Variants in GLT8D2 observed in about 807,000 individuals in gnomAD.
GLT8D2 encodes the protein glycosyltransferase 8 domain-containing protein 2.
In GLT8D2, 45 loss-of-function variants were observed where a neutral mutation model predicts 44.5. The ratio of observed to expected loss-of-function variants is 1.01; its 90% CI spans 0.80 to 1.30. GLT8D2 has a LOEUF of 1.30. GLT8D2 is among the 50% of genes most tolerant of loss of function. The pLI, the probability that GLT8D2 is intolerant of heterozygous loss-of-function variation, is 0.00. For missense variants in GLT8D2, 400 were observed against 430.4 expected (o/e 0.93, Z 0.62); for synonymous variants, 156 against 157.2 (o/e 0.99, Z 0.06).
rs1156897596 is a variant in GLT8D2 at position 104,022,052 on chromosome 12, AG to A, written c.-163-562del. 1.7e-4 allele frequency among the ~76,000 whole-genome samples: 22 copies of A among 130,602 alleles called. 2 individuals carry two copies. The East Asian group carries it at 3.5e-3, about 21-fold the overall frequency. 85.7% of individuals were successfully genotyped at this position (130,602 alleles called of 152,430 possible). A position where few individuals can be genotyped will look rare whatever the true frequency, so the allele number is the denominator to read the frequency against. ...AAGAAGAAGAAGAAGAAGAAGAAGA[AG>A]AAGGGAAAGAAAGAAAGAAAGAAAA... On this transcript the variant is annotated intron_variant, in intron 1 of 10. Coordinates refer to ENST00000360814, the MANE Select transcript of GLT8D2 (RefSeq NM_001384711.1).
intron 1 of GLT8D2, among the ~76,000 whole-genome samples, chr12:104,037,423 A>G (rs1327469075): frequency 1.3e-5 from 2 of 152,234 alleles, no homozygotes; most frequent in African/African-American, 4.8e-5. Context: ...CAAGAATAAT[A>G]AAGAAGAAAA....
At chr12:104,022,023 A>C (rs11111875) in intron 1 of GLT8D2, among the ~76,000 whole-genome samples, 1 of 27,344 alleles carries the variant, frequency 3.7e-5, no homozygotes, top group Admixed American at 4.4e-4. Flanking sequence ...AGAAGAAGAA[A>C]AAGAAGAAGA....
At chr12:104,035,357 T>C (rs1879809154) in intron 1 of GLT8D2, among the ~76,000 whole-genome samples, 1 of 152,150 alleles carries the variant, frequency 6.6e-6, no homozygotes, top group African/African-American at 2.4e-5. Flanking sequence ...AGGTTGGTAA[T>C]AACAAACTTC....
upstream of GLT8D2, among the ~76,000 whole-genome samples, chr12:104,054,719 A>T (rs1202960927): frequency 6.6e-6 from 1 of 151,994 alleles, no homozygotes; most frequent in Non-Finnish European, 1.5e-5. Flanking sequence ...TACTTCCTTG[A>T]AAGCTAGTGT....
chr12:104,040,849 T>C (rs1360479835), intron 1 of GLT8D2, among the ~76,000 whole-genome samples: 1 of 152,244 alleles, frequency 6.6e-6, no homozygotes, highest in Non-Finnish European at 1.5e-5. Context: ...TTCAGAGTTC[T>C]ACTGAATGTG....
intron 1 of GLT8D2, among the ~76,000 whole-genome samples, chr12:104,030,616 G>T (rs1358195604): frequency 6.6e-6 from 1 of 152,130 alleles, no homozygotes; most frequent in Non-Finnish European, 1.5e-5. Flanking sequence ...TGGAATGGGA[G>T]CGATTATTTA....
intron 8 of GLT8D2, 74 bp from the exon 9 acceptor site, chr12:103,994,575 A>T: frequency 2.2e-5 from 29 of 1,347,126 alleles, no homozygotes; most frequent in South Asian, 9.2e-5. Context: ...TTTTCTTGAA[A>T]CCCTTGTGCA....
chr12:104,022,299 G>T (rs1878001904), intron 1 of GLT8D2, among the ~76,000 whole-genome samples: 2 of 152,032 alleles, frequency 1.3e-5, no homozygotes, highest in South Asian at 4.1e-4. Flanking sequence ...CAGAGTGACT[G>T]CAAGGAGAAG....
intron 1 of GLT8D2, chr12:104,031,549 G>A (rs748496669): frequency 7.4e-6 from 12 of 1,611,070 alleles, no homozygotes; most frequent in Non-Finnish European, 9.3e-6. Flanking sequence ...AGTGAAGGCC[G>A]GCGGGGAAGA....
At chr12:104,040,888 C>A (rs1424362526) in intron 1 of GLT8D2, among the ~76,000 whole-genome samples, 1 of 152,098 alleles carries the variant, frequency 6.6e-6, no homozygotes, top group Non-Finnish European at 1.5e-5. Flanking sequence ...TTTAACATTA[C>A]AAAAGTGATT....
intron 3 of GLT8D2, among the ~76,000 whole-genome samples, chr12:104,016,084 C>T (rs1437304564): frequency 5.3e-5 from 8 of 152,014 alleles, no homozygotes; most frequent in African/African-American, 9.6e-5. Flanking sequence ...TTTTGCTTGT[C>T]TGATTGCTCT....
chr12:104,008,640 G>C (rs1038827086), intron 4 of GLT8D2, among the ~76,000 whole-genome samples: 3 of 152,246 alleles, frequency 2.0e-5, no homozygotes, highest in African/African-American at 7.2e-5. Context: ...TAATCCCCAA[G>C]ACAATGGGGA....
intron 10 of GLT8D2, among the ~76,000 whole-genome samples, chr12:103,991,817 G>A (rs1156334949): frequency 3.2e-5 from 3 of 92,798 alleles, no homozygotes; most frequent in Non-Finnish European, 6.2e-5. Context: ...CCACAATTAC[G>A]TCCTTTAAAA....
rs1302233010 is a variant in GLT8D2, at chr12:104,015,000, C to T, written c.112+13G>A. 1 of 1,583,516 alleles carries T rather than the reference C, an allele frequency of 6.3e-7. No homozygotes were observed. The highest frequency in any genetic ancestry group is 8.7e-7 in the Non-Finnish European group (1 of 1,152,696). On this transcript the variant is annotated intron_variant, in intron 4 of 10. Coordinates refer to ENST00000360814, the MANE Select transcript of GLT8D2 (RefSeq NM_001384711.1). ...CTGGGTATCCCAACTCAATGAATTC[C>T]ATGTCTGCTCACCTGCGTCATTCTT...
intron 3 of GLT8D2, among the ~76,000 whole-genome samples, chr12:104,016,826 A>G (rs1351247123): frequency 1.4e-5 from 1 of 72,554 alleles, no homozygotes; most frequent in African/African-American, 5.8e-5. Context: ...AAAGAGAAAG[A>G]AAAGAAAGAA....
chr12:103,991,045 T>C (rs1377873118), intron 10 of GLT8D2, among the ~76,000 whole-genome samples: 1 of 152,256 alleles, frequency 6.6e-6, no homozygotes, highest in Non-Finnish European at 1.5e-5. Context: ...ATTTTTCAAA[T>C]GATTTTTGTG....
chr12:104,047,010 G>C (rs1199687512), intron 1 of GLT8D2, among the ~76,000 whole-genome samples: 1 of 151,956 alleles, frequency 6.6e-6, no homozygotes, highest in East Asian at 1.9e-4. Flanking sequence ...AATTTTTTTT[G>C]TAGAGACAGA....
At chr12:104,004,671 G>C (rs965967116) in intron 4 of GLT8D2, among the ~76,000 whole-genome samples, 1 of 152,152 alleles carries the variant, frequency 6.6e-6, no homozygotes, top group East Asian at 1.9e-4. Context: ...TCCAACTTAC[G>C]AGAGATGTGA....
intron 1 of GLT8D2, among the ~76,000 whole-genome samples, chr12:104,027,743 T>C (rs754157423): frequency 5.3e-5 from 8 of 152,188 alleles, no homozygotes; most frequent in Non-Finnish European, 8.8e-5. Flanking sequence ...ATGAGGACAT[T>C]GTGGCTCGGA....
Sources: allele counts gnomAD v4.1 joint callset (sites outside exome capture counted in the v4.1 genomes callset), GRCh38; gene constraint gnomAD v4.1.1; transcripts MANE v1.5; gene names NCBI Gene and HGNC (gene_info 2026-07-23, HGNC 2026-07-21).